Variants in RELN observed in about 807,000 individuals in gnomAD.
RELN encodes reelin.
Under a neutral mutation model 427.6 loss-of-function variants are expected in RELN, and 108 were observed. The observed-to-expected ratio is 0.25, with a 90% CI of 0.22 to 0.30. The LOEUF is 0.30. Ranked by LOEUF, RELN falls within the 10% of genes least tolerant of loss-of-function variation. RELN has a pLI of 1.00. For missense variants in RELN, 3,715 were observed against 4,302.8 expected, an observed-to-expected ratio of 0.86 and a Z score of 3.82; for synonymous variants, 1,524 against 1,513.4, an observed-to-expected ratio of 1.01 and a Z score of -0.16.
chr7:103,545,432 G>T, intron 41 of RELN, 88 bp from the exon 42 acceptor site: 1 of 870,436 alleles, frequency 1.1e-6, no homozygotes, highest in Non-Finnish European at 1.9e-6. Flanking sequence ...ACAATGGGCA[G>T]CTTCTACCTA....
At chr7:103,629,904 T>C (rs771299333) in intron 20 of RELN, 36 bp downstream of exon 20, 23 of 1,261,578 alleles carry the variant, frequency 1.8e-5, no homozygotes, top group Non-Finnish European at 2.6e-5. Flanking sequence ...TAATTCCTAG[T>C]GCAAATTGTA....
intron 6 of RELN, among the ~76,000 whole-genome samples, chr7:103,738,787 A>G (rs771120654): frequency 7.3e-6 from 1 of 136,878 alleles, no homozygotes; most frequent in Non-Finnish European, 1.5e-5. Flanking sequence ...GGTTCAAGTG[A>G]TTCTCCTCCC....
chr7:103,970,221 C>T (rs564429804), intron 1 of RELN, among the ~76,000 whole-genome samples: 103 of 151,076 alleles, frequency 6.8e-4, no homozygotes, highest in African/African-American at 2.4e-3. Flanking sequence ...CGGCTCATGG[C>T]AACCTCCGCC....
In RELN at chr7:103,708,462, C is replaced by CTTTTTTTTTTTT. The variant is rs1562965678; in HGVS notation, c.806-7457_806-7456insAAAAAAAAAAAA. Among the ~76,000 whole-genome samples the CTTTTTTTTTTTT allele has an allele frequency of 2.4e-4, 23 of 96,870 alleles. No homozygotes were observed. In the East Asian group the frequency reaches 6.3e-3, roughly 27 times the overall value. 63.6% of individuals were successfully genotyped at this position (96,870 alleles called of 152,430 possible). On this transcript the variant is annotated intron_variant, in intron 8 of 64. Transcript: ENST00000428762. ...GTCACCCAAACACCAGTGGGTATGACTCTTTTTTTTTTTTTTTTTGAGACG... is the reference window on the plus strand; with the variant it reads ...GTCACCCAAACACCAGTGGGTATGACTTTTTTTTTTTTTCTTTTTTTTTTTTTTTTTGAGACG...
At position 103,585,781 on chromosome 7, in the gene RELN, T is replaced by C. The variant is rs2711872; in HGVS notation, c.4145+3815A>G. Among the ~76,000 whole-genome samples, 785 of 152,218 alleles carry C rather than the reference T, an allele frequency of 5.2e-3. 6 individuals are homozygous for C. The highest frequency in any genetic ancestry group is 0.017 in the African/African-American group (710 of 41,530). ...AAAAAAGAAAACAGGCTAGTATCCC[T>C]GATGAACATAGACACAAAAATCCTC... On this transcript the variant is annotated intron_variant, in intron 28 of 64. Coordinates refer to ENST00000428762, the MANE Select transcript of RELN (RefSeq NM_005045.4).
intron 38 of RELN, among the ~76,000 whole-genome samples, 172 bp from the exon 39 acceptor site, chr7:103,554,003 T>G (rs1830471031): frequency 2.0e-5 from 3 of 151,982 alleles, no homozygotes; most frequent in African/African-American, 7.2e-5. Context: ...CTGAGCAACA[T>G]AGTAAGGGCC....
At chr7:103,786,292 T>C (rs972964249) in intron 3 of RELN, among the ~76,000 whole-genome samples, 7 of 151,930 alleles carry the variant, frequency 4.6e-5, no homozygotes, top group African/African-American at 1.7e-4. Context: ...GTTTTTAAAA[T>C]TAATATAAAG....
At chr7:103,945,825 T>A (rs1279175859) in intron 1 of RELN, among the ~76,000 whole-genome samples, 1 of 152,126 alleles carries the variant, frequency 6.6e-6, no homozygotes, top group Non-Finnish European at 1.5e-5. Context: ...CACAAACATT[T>A]ACCATTATGT....
intron 1 of RELN, among the ~76,000 whole-genome samples, chr7:103,920,579 GT>G (rs1205659662): frequency 1.7e-4 from 15 of 88,854 alleles, no homozygotes; most frequent in African/African-American, 3.6e-4. Context: ...TTTTTTTTTT[GT>G]TTTTTTTTTT....
intron 17 of RELN, among the ~76,000 whole-genome samples, chr7:103,637,953 G>C (rs1262369698): frequency 6.6e-6 from 1 of 152,132 alleles, no homozygotes; most frequent in Non-Finnish European, 1.5e-5. Flanking sequence ...TGATCGTTTA[G>C]AGATGACTCA....
At chr7:103,514,215 T>C (rs955852884) in intron 50 of RELN, among the ~76,000 whole-genome samples, 2 of 152,184 alleles carry the variant, frequency 1.3e-5, no homozygotes, top group African/African-American at 2.4e-5. Flanking sequence ...ATGGGATATA[T>C]AATGAATATC....
At chr7:103,974,622 C>A (rs1796833403) in intron 1 of RELN, among the ~76,000 whole-genome samples, 1 of 152,200 alleles carries the variant, frequency 6.6e-6, no homozygotes, top group African/African-American at 2.4e-5. Flanking sequence ...AATGAAGATG[C>A]AGAATTCTCA....
chr7:103,597,847 A>C (rs1201412938), intron 24 of RELN, among the ~76,000 whole-genome samples: 2 of 152,158 alleles, frequency 1.3e-5, no homozygotes, highest in Non-Finnish European at 2.9e-5. Context: ...AAGGTTTGTC[A>C]TTGTTCCTGT....
At chr7:103,490,495 C>A (rs765415383) in intron 59 of RELN, among the ~76,000 whole-genome samples, 173 bp downstream of exon 59, 4 of 152,072 alleles carry the variant, frequency 2.6e-5, no homozygotes, top group Non-Finnish European at 5.9e-5. Context: ...CATGCAGTTG[C>A]CATTTGGGGG....
rs200917675 is a variant in RELN at position 103,483,861 on chromosome 7, C to G, written c.9984-11G>C. Reference sequence around the variant, plus strand: ...ACAAACATGATTTTGCTGAAAAACACAGGGAAATCATCTTTATTTTTATTT... The same window carrying G: ...ACAAACATGATTTTGCTGAAAAACAGAGGGAAATCATCTTTATTTTTATTT... On this transcript the variant is annotated splice_polypyrimidine_tract_variant and intron_variant, in intron 61 of 64. Transcript: ENST00000428762. 1 of 1,612,712 alleles carries G rather than the reference C, an allele frequency of 6.2e-7. No homozygotes were observed. The highest frequency in any genetic ancestry group is 2.2e-5 in the East Asian group (1 of 44,856).
chr7:103,699,069 A>G (rs191912739), intron 9 of RELN, among the ~76,000 whole-genome samples: 1 of 152,200 alleles, frequency 6.6e-6, no homozygotes, highest in East Asian at 1.9e-4. Flanking sequence ...TAGAATCCAG[A>G]TCCTTCTGCT....
chr7:103,797,962 G>A (rs1792350062), intron 3 of RELN, among the ~76,000 whole-genome samples: 1 of 152,160 alleles, frequency 6.6e-6, no homozygotes, highest in South Asian at 2.1e-4. Flanking sequence ...ATTAATTATG[G>A]CAATAAGTCA....
At chr7:103,560,453 T>C (rs1406623309) in intron 36 of RELN, among the ~76,000 whole-genome samples, 1 of 152,204 alleles carries the variant, frequency 6.6e-6, no homozygotes, top group African/African-American at 2.4e-5. Context: ...ACATTATGCA[T>C]CTTTCTTGTT....
intron 11 of RELN, among the ~76,000 whole-genome samples, chr7:103,669,895 G>T (rs1482054922): frequency 6.6e-6 from 1 of 151,886 alleles, no homozygotes; most frequent in Non-Finnish European, 1.5e-5. Flanking sequence ...AAATACAGTG[G>T]TATCTATTAT....
Sources: gnomAD v4.1 joint callset for allele counts (sites outside exome capture counted in the v4.1 genomes callset) on GRCh38, gnomAD v4.1.1 for gene constraint, MANE v1.5 for transcripts, NCBI Gene and HGNC (gene_info 2026-07-23, HGNC 2026-07-21) for gene names.